Variants in ZBTB20 observed in about 807,000 individuals in gnomAD.
The protein encoded by ZBTB20 is zinc finger and BTB domain-containing protein 20.
ZBTB20 carries 9 observed loss-of-function variants against 56.9 expected under a neutral mutation model. That is an observed-to-expected ratio of 0.16 (90% confidence interval 0.10 to 0.28). The LOEUF (loss-of-function observed/expected upper bound fraction) is 0.28. Among genes scored for constraint, ZBTB20 ranks in the 10% least tolerant of loss-of-function variants. The pLI is 1.00. For missense variants in ZBTB20, 655 were observed against 1,003.0 expected (o/e 0.65, Z 4.69); for synonymous variants, 417 against 420.7 (o/e 0.99, Z 0.11).
At chr3:114,979,082 TA>T (rs1396552658) in intron 2 of ZBTB20, among the ~76,000 whole-genome samples, 4 of 151,920 alleles carry the variant, frequency 2.6e-5, no homozygotes, top group Non-Finnish European at 5.9e-5. Flanking sequence ...TTTATAAAGA[TA>T]ACAGCAACTA....
At chr3:114,931,439 C>A (rs2076358929) in intron 3 of ZBTB20, 1 of 197,826 alleles carries the variant, frequency 5.1e-6, no homozygotes, top group South Asian at 1.1e-4. Context: ...GCACCCGAGG[C>A]AGAAGAAGGT....
In ZBTB20 at chr3:114,990,333, A is replaced by G. The variant is rs539813191; in HGVS notation, c.-506-15917T>C. Among the ~76,000 whole-genome samples the G allele has an allele frequency of 2.6e-5, 4 of 152,262 alleles. No homozygotes were observed. In the East Asian group the frequency reaches 5.8e-4, roughly 22 times the overall value. On this transcript the variant is annotated intron_variant, in intron 2 of 11. Transcript: ENST00000675478. The stretch of plus-strand genomic sequence containing the variant: ...ATGAAGGGTTGTTGAATTTTGTCAA[A>G]GGCCTTTTCTGCATCTATTGAGATA...
At chr3:114,865,681 T>A (rs796192995) in intron 4 of ZBTB20, among the ~76,000 whole-genome samples, 1 of 152,220 alleles carries the variant, frequency 6.6e-6, no homozygotes, top group Non-Finnish European at 1.5e-5. Context: ...TATGTTAGCA[T>A]ATTTTTAGTG....
At chr3:115,072,487 A>G (rs2082446322) in intron 1 of ZBTB20, among the ~76,000 whole-genome samples, 1 of 152,140 alleles carries the variant, frequency 6.6e-6, no homozygotes, top group Non-Finnish European at 1.5e-5. Flanking sequence ...AGTGCTCCAA[A>G]TAGAATTAAG....
chr3:115,016,361 T>C (rs2079957940), intron 2 of ZBTB20, among the ~76,000 whole-genome samples: 1 of 152,004 alleles, frequency 6.6e-6, no homozygotes, highest in Admixed American at 6.6e-5. Context: ...CAATTGCTTT[T>C]AGCGTTTTTG....
chr3:114,767,837 C>A (rs990053227), intron 5 of ZBTB20, among the ~76,000 whole-genome samples: 1 of 152,042 alleles, frequency 6.6e-6, no homozygotes, highest in Non-Finnish European at 1.5e-5. Flanking sequence ...GTACCAATAG[C>A]TCTAACTCAA....
At chr3:114,928,896 T>C (rs1218779279) in intron 3 of ZBTB20, among the ~76,000 whole-genome samples, 5 of 152,184 alleles carry the variant, frequency 3.3e-5, no homozygotes, top group Admixed American at 3.3e-4. Context: ...AACAATACAA[T>C]GCTCTTTCCA....
At position 114,337,388 on chromosome 3, in the gene ZBTB20, T is replaced by C. The variant is rs2079496222; in HGVS notation, c.*1617A>G. On this transcript the variant is annotated 3_prime_UTR_variant, in exon 12 of 12. Coordinates refer to ENST00000675478, the MANE Select transcript of ZBTB20 (RefSeq NM_001348800.3). ...AAAAGACCCCATTTATCAAGACTTC[T>C]AGACTATTAGTGTTTCACTAAGAAA... 6.6e-6 allele frequency: 1 copy of C among 152,238 alleles called. No homozygotes were observed. Among genetic ancestry groups the C allele is most frequent in the African/African-American group, 2.4e-5 (1 of 41,466 alleles). The allele number at this position is 152,238 out of a possible 1,614,324, so 9.4% of individuals were successfully genotyped here.
chr3:114,416,668 A>T (rs2088594364), intron 7 of ZBTB20, among the ~76,000 whole-genome samples: 1 of 152,008 alleles, frequency 6.6e-6, no homozygotes, highest in South Asian at 2.1e-4. Context: ...TTAGCAGCTC[A>T]GCTGCAGCTC....
At chr3:114,682,791 A>G (rs1196418293) in intron 6 of ZBTB20, among the ~76,000 whole-genome samples, 2 of 152,216 alleles carry the variant, frequency 1.3e-5, no homozygotes, top group African/African-American at 4.8e-5. Context: ...AGAACTTTAC[A>G]TCCATAAACT....
At chr3:114,893,927 T>C (rs1244448429) in intron 4 of ZBTB20, among the ~76,000 whole-genome samples, 1 of 152,100 alleles carries the variant, frequency 6.6e-6, no homozygotes. Context: ...TCGAAGACAA[T>C]TGTCAGTAAA....
chr3:114,791,676 T>G (rs1184666598), intron 5 of ZBTB20: 2 of 152,154 alleles, frequency 1.3e-5, no homozygotes, highest in Non-Finnish European at 1.5e-5. Flanking sequence ...AACAATTCAG[T>G]GAAATTTTAG....
At chr3:114,362,144 T>C (rs975133676) in intron 10 of ZBTB20, among the ~76,000 whole-genome samples, 29 of 152,150 alleles carry the variant, frequency 1.9e-4, no homozygotes, top group Admixed American at 1.1e-3. Context: ...TACGGGAATT[T>C]TTTTGTACCT....
intron 6 of ZBTB20, among the ~76,000 whole-genome samples, chr3:114,554,100 T>G (rs2050909387): frequency 6.6e-6 from 1 of 152,094 alleles, no homozygotes; most frequent in South Asian, 2.1e-4. Context: ...ATGGATGGGG[T>G]CACAGCTTAT....
chr3:114,533,569 A>T (rs1577346409), intron 6 of ZBTB20, among the ~76,000 whole-genome samples: 1 of 152,178 alleles, frequency 6.6e-6, no homozygotes, highest in East Asian at 1.9e-4. Context: ...ATTCTTCAGG[A>T]TATTATCCAG....
chr3:115,115,752 A>G (rs749596750), intron 1 of ZBTB20, among the ~76,000 whole-genome samples: 11 of 152,034 alleles, frequency 7.2e-5, no homozygotes, highest in Non-Finnish European at 1.0e-4. Context: ...TAATTTAATG[A>G]TTTTGTAAAG....
intron 3 of ZBTB20, among the ~76,000 whole-genome samples, chr3:114,947,029 T>A (rs1417506536): frequency 6.9e-6 from 1 of 144,002 alleles, no homozygotes; most frequent in African/African-American, 2.9e-5. Flanking sequence ...AAAGAAGACA[T>A]ACAAATGGCC....
intron 5 of ZBTB20, among the ~76,000 whole-genome samples, chr3:114,733,683 T>A (rs1017276925): frequency 6.6e-6 from 1 of 152,202 alleles, no homozygotes; most frequent in Non-Finnish European, 1.5e-5. Context: ...GGTTGCTTTA[T>A]AAAAATTGTA....
intron 3 of ZBTB20, among the ~76,000 whole-genome samples, chr3:114,948,649 A>G (rs1445084849): frequency 1.4e-5 from 2 of 145,736 alleles, no homozygotes; most frequent in South Asian, 2.1e-4. Context: ...AGATAGATAG[A>G]TAGATAGATA....
Sources: allele counts gnomAD v4.1 joint callset (sites outside exome capture counted in the v4.1 genomes callset), GRCh38; gene constraint gnomAD v4.1.1; transcripts MANE v1.5; gene names NCBI Gene and HGNC (gene_info 2026-07-23, HGNC 2026-07-21).